The following HSPA12A variants were observed in gnomAD, a reference collection of about 807,000 sequenced individuals.
The protein encoded by HSPA12A is heat shock 70 kDa protein 12A.
Under a neutral mutation model 69.2 loss-of-function variants are expected in HSPA12A, and 28 were observed. The observed-to-expected ratio is 0.40, with a 90% CI of 0.30 to 0.55. The LOEUF (loss-of-function observed/expected upper bound fraction) is 0.55. HSPA12A is among the 20% of genes least tolerant of loss of function. The pLI is 0.38. For synonymous variants in HSPA12A, 345 were observed against 370.5 expected, an observed-to-expected ratio of 0.93 and a Z score of 0.79; for missense variants, 686 against 900.7, an observed-to-expected ratio of 0.76 and a Z score of 3.05.
chr10:116,744,857 C>G (rs535498052), upstream of HSPA12A, among the ~76,000 whole-genome samples: 13 of 152,308 alleles, frequency 8.5e-5, no homozygotes, highest in African/African-American at 3.1e-4. Context: ...AGGCTCAGCA[C>G]GCCACATCAA....
rs1589738298 is a variant in HSPA12A at position 116,846,048 on chromosome 10, G to A, written c.3+3518C>T. Reference sequence around the variant, plus strand: ...TGGAACTTAAATTCCATGAAGAGAAGGAATTTATTTTATTCACTGTTCTTT... The same window carrying A: ...TGGAACTTAAATTCCATGAAGAGAAAGAATTTATTTTATTCACTGTTCTTT... On this transcript the variant is annotated intron_variant, in intron 1 of 12. Coordinates refer to the HSPA12A transcript ENST00000635765. 2.0e-5 allele frequency among the ~76,000 whole-genome samples: 3 copies of A among 152,274 alleles called. No homozygotes were observed. The East Asian group carries it at 5.8e-4, about 29-fold the overall frequency.
chr10:116,732,315 G>A (rs1235442922), intron 1 of HSPA12A, among the ~76,000 whole-genome samples: 4 of 71,408 alleles, frequency 5.6e-5, no homozygotes, highest in Non-Finnish European at 1.0e-4. Context: ...GGGTGACTCC[G>A]TCTCAAAAAA....
At chr10:116,841,666 A>G (rs1173314335) in intron 1 of HSPA12A, among the ~76,000 whole-genome samples, 3 of 152,220 alleles carry the variant, frequency 2.0e-5, no homozygotes, top group Admixed American at 6.5e-5. Flanking sequence ...ATGCAGTTAA[A>G]TCAATACAGG....
At position 116,679,785 on chromosome 10, in the gene HSPA12A, G is replaced by A. The variant is rs558137014; in HGVS notation, c.1028-24C>T. Reference sequence around the variant, plus strand: ...GCCTGAATTGAGAACAAAAAGGGAGGCCATGGTGTTAAAAACCATTAGAAA... The same window carrying A: ...GCCTGAATTGAGAACAAAAAGGGAGACCATGGTGTTAAAAACCATTAGAAA... On this transcript the variant is annotated intron_variant, in intron 9 of 11. Transcript: ENST00000369209. 9.3e-6 allele frequency: 15 copies of A among 1,607,804 alleles called. No individual in the cohort carries two copies. The African/African-American group carries it at 1.9e-4, about 20-fold the overall frequency.
chr10:116,761,124 T>C (rs1589690277), intron 2 of HSPA12A, among the ~76,000 whole-genome samples: 1 of 151,664 alleles, frequency 6.6e-6, no homozygotes, highest in Non-Finnish European at 1.5e-5. Flanking sequence ...CAGAGGTGGG[T>C]GAGTCACTTC....
intron 2 of HSPA12A, among the ~76,000 whole-genome samples, chr10:116,767,165 T>C (rs1007992492): frequency 6.6e-6 from 1 of 152,108 alleles, no homozygotes; most frequent in Non-Finnish European, 1.5e-5. Context: ...CCTCTCCTCA[T>C]TGGCCTGGAG....
At chr10:116,828,220 C>G (rs535398269) in intron 2 of HSPA12A, among the ~76,000 whole-genome samples, 5 of 152,284 alleles carry the variant, frequency 3.3e-5, no homozygotes, top group African/African-American at 1.2e-4. Context: ...GTTTCATTAG[C>G]GGTTTTTCTC....
chr10:116,762,378 A>G (rs1259033279), intron 2 of HSPA12A, among the ~76,000 whole-genome samples: 1 of 152,124 alleles, frequency 6.6e-6, no homozygotes, highest in Non-Finnish European at 1.5e-5. Flanking sequence ...TGTAAAATAC[A>G]TACCTGATCA....
chr10:116,749,323 G>T (rs2133083093), intron 2 of HSPA12A, among the ~76,000 whole-genome samples: 1 of 152,290 alleles, frequency 6.6e-6, no homozygotes, highest in African/African-American at 2.4e-5. Flanking sequence ...CCTGCTATGT[G>T]CTGGGCATTG....
chr10:116,839,239 A>C (rs1350000747), intron 1 of HSPA12A, among the ~76,000 whole-genome samples: 2 of 152,232 alleles, frequency 1.3e-5, no homozygotes, highest in East Asian at 3.8e-4. Flanking sequence ...TGTGGAATGC[A>C]CAAGATCATT....
chr10:116,744,852 C>T (rs1019565686), upstream of HSPA12A, among the ~76,000 whole-genome samples: 2 of 152,222 alleles, frequency 1.3e-5, no homozygotes, highest in Non-Finnish European at 2.9e-5. Flanking sequence ...GTTCAAGGCT[C>T]AGCACGCCAC....
chr10:116,747,225 T>C (rs916468096), upstream of HSPA12A, among the ~76,000 whole-genome samples: 1 of 152,220 alleles, frequency 6.6e-6, no homozygotes, highest in Non-Finnish European at 1.5e-5. Flanking sequence ...GAGCCACTCT[T>C]TCAGGCAAAA....
intron 6 of HSPA12A, among the ~76,000 whole-genome samples, chr10:116,685,346 G>A (rs1554879375): frequency 8.6e-5 from 13 of 151,954 alleles, no homozygotes; most frequent in Non-Finnish European, 5.9e-5. Context: ...TATTAAGAAT[G>A]CAAAGTGGCC....
chr10:116,676,541 G>T, intron 10 of HSPA12A, 39 bp from the exon 11 acceptor site: 4 of 1,483,966 alleles, frequency 2.7e-6, no homozygotes, highest in Non-Finnish European at 3.8e-6. Context: ...GGCAGTGAGG[G>T]TCTACACGAT....
intron 1 of HSPA12A, among the ~76,000 whole-genome samples, chr10:116,729,310 G>C (rs1173536883): frequency 6.6e-6 from 1 of 152,256 alleles, no homozygotes; most frequent in African/African-American, 2.4e-5. Context: ...CCTCCCTTTG[G>C]GGCACGGTCC....
chr10:116,716,464 G>A lies in HSPA12A; in HGVS notation c.41-9179C>T, dbSNP rs573128051. 2.6e-5 allele frequency among the ~76,000 whole-genome samples: 4 copies of A among 151,682 alleles called. No individual in the cohort carries two copies. In the South Asian group the frequency reaches 8.3e-4, roughly 32 times the overall value. On this transcript the variant is annotated intron_variant, in intron 1 of 11. Coordinates refer to ENST00000369209, the MANE Select transcript of HSPA12A (RefSeq NM_025015.3). Reference sequence around the variant, plus strand: ...TGTGTGTTGGGGGGTGGGGTGGGGGGTGTGTATGTGTGTGTGTGCATGCAT... The same window carrying A: ...TGTGTGTTGGGGGGTGGGGTGGGGGATGTGTATGTGTGTGTGTGCATGCAT...
intron 2 of HSPA12A, among the ~76,000 whole-genome samples, chr10:116,790,255 C>T (rs957403490): frequency 1.3e-5 from 2 of 151,990 alleles, no homozygotes; most frequent in Non-Finnish European, 2.9e-5. Context: ...AGGCGCCCGC[C>T]ACCTCACCCG....
At chr10:116,753,668 G>C (rs1402431965) in intron 2 of HSPA12A, among the ~76,000 whole-genome samples, 4 of 152,174 alleles carry the variant, frequency 2.6e-5, no homozygotes, top group African/African-American at 9.7e-5. Context: ...ACCTCCCAGA[G>C]CACAAATTCC....
intron 1 of HSPA12A, among the ~76,000 whole-genome samples, chr10:116,835,904 G>C (rs897379546): frequency 3.9e-5 from 6 of 152,198 alleles, no homozygotes; most frequent in Non-Finnish European, 5.9e-5. Flanking sequence ...AGTCACGAGA[G>C]AGGAGCGAAA....
Sources: gnomAD v4.1 joint callset for allele counts (sites outside exome capture counted in the v4.1 genomes callset) on GRCh38, gnomAD v4.1.1 for gene constraint, MANE v1.5 for transcripts, NCBI Gene and HGNC (gene_info 2026-07-23, HGNC 2026-07-21) for gene names.